USP24: variants seen among roughly 807,000 people sequenced by gnomAD.
USP24 encodes the protein ubiquitin carboxyl-terminal hydrolase 24.
A neutral mutation model predicts 361.6 loss-of-function variants in USP24; 97 were observed. That is an observed-to-expected ratio of 0.27 (90% CI 0.23 to 0.32). USP24 has a LOEUF of 0.32. Ranked by LOEUF, USP24 falls within the 10% of genes least tolerant of loss-of-function variation. The pLI is 1.00. For missense variants in USP24, 2,353 were observed against 3,165.6 expected, an observed-to-expected ratio of 0.74 and a Z score of 6.16; for synonymous variants, 1,098 against 1,124.6, an observed-to-expected ratio of 0.98 and a Z score of 0.47.
intron 1 of USP24, among the ~76,000 whole-genome samples, chr1:55,209,683 G>C (rs1644803649): frequency 6.6e-6 from 1 of 152,116 alleles, no homozygotes. Context: ...AGTGCACTTA[G>C]AGCGCTTAGT....
intron 1 of USP24, among the ~76,000 whole-genome samples, chr1:55,202,963 G>C (rs908127657): frequency 6.6e-6 from 1 of 152,232 alleles, no homozygotes; most frequent in Admixed American, 6.5e-5. Context: ...AGTACAGTAA[G>C]ACATTTTAAG....
In USP24 at chr1:55,109,675, C is replaced by G. The variant is rs557620713; in HGVS notation, c.4570+510G>C. Among the ~76,000 whole-genome samples, 22 of 152,234 alleles carry G rather than the reference C, an allele frequency of 1.4e-4. No individual in the cohort carries two copies. In the East Asian group the frequency reaches 4.3e-3, roughly 29 times the overall value. On this transcript the variant is annotated intron_variant, in intron 39 of 67. Coordinates refer to ENST00000294383, the MANE Select transcript of USP24 (RefSeq NM_015306.3). ...GAGCGGAGAATAACAAACTCATGAT[C>G]TGAACTAAAATTTACACAGAGCATT... is the stretch of plus-strand genomic sequence containing the variant.
chr1:55,107,560 A>C (rs1425307117), intron 39 of USP24, 130 bp from the exon 40 acceptor site: 9 of 1,126,310 alleles, frequency 8.0e-6, no homozygotes, highest in African/African-American at 1.6e-5. Flanking sequence ...AACTATCATT[A>C]AGGCCAGGCG....
rs115456002 is a variant in USP24 at position 55,068,111 on chromosome 1, T to A, written c.*934A>T. ...AATACCAAGGGTTTCAGTAATTATGTTTTAAGCAAAAGCAAACGATTGCAG... is the reference window on the plus strand; with the variant it reads ...AATACCAAGGGTTTCAGTAATTATGATTTAAGCAAAAGCAAACGATTGCAG... On this transcript the variant is annotated 3_prime_UTR_variant, in exon 68 of 68. Transcript: ENST00000294383. 60 of 152,358 alleles carry A rather than the reference T, an allele frequency of 3.9e-4. 1 individual carries two copies. The highest frequency in any genetic ancestry group is 1.4e-3 in the African/African-American group (57 of 41,590). The allele number at this position is 152,358 out of a possible 1,614,324, so 9.4% of individuals were successfully genotyped here.
chr1:55,166,045 T>C (rs950516460), intron 6 of USP24, 95 bp from the exon 7 acceptor site: 77 of 1,096,718 alleles, frequency 7.0e-5, no homozygotes, highest in Admixed American at 3.2e-4. Flanking sequence ...TATATGTTTA[T>C]GGGGCACACG....
At chr1:55,128,997 G>C (rs1016466192) in intron 32 of USP24, among the ~76,000 whole-genome samples, 8 of 152,106 alleles carry the variant, frequency 5.3e-5, no homozygotes, top group African/African-American at 1.7e-4. Context: ...TGGGATTACA[G>C]GCATGAACCA....
intron 64 of USP24, 54 bp from the exon 65 acceptor site, chr1:55,072,915 T>G: frequency 6.7e-7 from 1 of 1,498,458 alleles, no homozygotes; most frequent in East Asian, 2.4e-5. Flanking sequence ...TTGTTCCTAG[T>G]GCTTCATTTT....
intron 64 of USP24, 101 bp from the exon 65 acceptor site, chr1:55,072,962 CT>C: frequency 1.7e-6 from 2 of 1,181,752 alleles, no homozygotes; most frequent in Non-Finnish European, 2.4e-6. Context: ...ATTCAGTTGT[CT>C]TTATATTTGT....
chr1:55,161,348 G>C (rs1356183456), intron 8 of USP24, among the ~76,000 whole-genome samples: 1 of 151,138 alleles, frequency 6.6e-6, no homozygotes, highest in Non-Finnish European at 1.5e-5. Context: ...CTCCAGCCTG[G>C]GCAACAGAGC....
At chr1:55,167,221 G>A (rs564960535) in intron 5 of USP24, among the ~76,000 whole-genome samples, 4 of 152,202 alleles carry the variant, frequency 2.6e-5, no homozygotes, top group East Asian at 1.9e-4. Context: ...AAAAGGCCTC[G>A]AAAGAAAAAT....
intron 46 of USP24, 78 bp downstream of exon 46, chr1:55,098,398 T>C (rs939225664): frequency 1.8e-5 from 24 of 1,323,326 alleles, no homozygotes; most frequent in Middle Eastern, 1.8e-4. Flanking sequence ...TCTTAACAAA[T>C]GCAAAATTTA....
chr1:55,079,905 GCA>G (rs1354499312), intron 59 of USP24, among the ~76,000 whole-genome samples: 1 of 150,250 alleles, frequency 6.7e-6, no homozygotes, highest in Admixed American at 6.6e-5. Flanking sequence ...CAGAGAACTC[GCA>G]CACAGAGTAC....
chr1:55,075,324 G>T, intron 63 of USP24, 133 bp downstream of exon 63: 1 of 751,024 alleles, frequency 1.3e-6, no homozygotes, highest in Non-Finnish European at 2.1e-6. Flanking sequence ...GGAGCCCAGT[G>T]GCCCTGACCA....
intron 17 of USP24, among the ~76,000 whole-genome samples, chr1:55,148,136 A>G (rs1647082556): frequency 6.6e-6 from 1 of 152,152 alleles, no homozygotes; most frequent in African/African-American, 2.4e-5. Context: ...TAAGCAAACT[A>G]ATCTTTTTGT....
In USP24 at chr1:55,142,127, T is replaced by C. The variant is rs1026954463; in HGVS notation, c.2635-396A>G. On this transcript the variant is annotated intron_variant, in intron 23 of 67. Coordinates refer to ENST00000294383, the MANE Select transcript of USP24 (RefSeq NM_015306.3). The stretch of plus-strand genomic sequence containing the variant: ...ATTTATCACCAGAAAGCTTAACTTA[T>C]TGGAATTGGGAGGCAGTAGCATTTT... Among the ~76,000 whole-genome samples the C allele has an allele frequency of 3.3e-5, 5 of 152,282 alleles. No homozygotes were observed. The South Asian group carries it at 6.2e-4, about 19-fold the overall frequency.
chr1:55,086,568 A>T (rs1309848586), intron 55 of USP24: 2 of 154,352 alleles, frequency 1.3e-5, no homozygotes, highest in Non-Finnish European at 2.9e-5. Context: ...TGGTAAAATG[A>T]CACTTCTGAG....
intron 48 of USP24, 42 bp from the exon 49 acceptor site, chr1:55,097,214 CAT>C (rs1645516066): frequency 6.3e-7 from 1 of 1,599,576 alleles, no homozygotes; most frequent in Admixed American, 1.7e-5. Context: ...TGATTACTAA[CAT>C]ATACAGCAGT....
chr1:55,197,923 G>A (rs1471992220), intron 1 of USP24, among the ~76,000 whole-genome samples: 1 of 152,164 alleles, frequency 6.6e-6, no homozygotes, highest in Non-Finnish European at 1.5e-5. Flanking sequence ...AAAAGCAAAT[G>A]CTATTTGCTT....
At chr1:55,142,684 T>C in intron 23 of USP24, 58 bp downstream of exon 23, 3 of 1,165,636 alleles carry the variant, frequency 2.6e-6, no homozygotes, top group Non-Finnish European at 3.6e-6. Context: ...AAATATAAAA[T>C]TATGAAAGAA....
Sources: gnomAD v4.1 joint callset for allele counts (sites outside exome capture counted in the v4.1 genomes callset) on GRCh38, gnomAD v4.1.1 for gene constraint, MANE v1.5 for transcripts, NCBI Gene and HGNC (gene_info 2026-07-23, HGNC 2026-07-21) for gene names.